Variants in SAXO2 observed in about 807,000 individuals in gnomAD.
The protein encoded by SAXO2 is family with sequence similarity 154, member B.
In SAXO2, 17 loss-of-function variants were observed where a neutral mutation model predicts 18.7. The ratio of observed to expected loss-of-function variants is 0.91; its 90% CI spans 0.62 to 1.36. The LOEUF (loss-of-function observed/expected upper bound fraction) is 1.36, where lower values mean the gene tolerates loss of function less well. Ranked by LOEUF, SAXO2 falls within the 40% of genes most tolerant of loss-of-function variation. SAXO2 has a pLI of 0.00. For synonymous variants in SAXO2, 163 were observed against 181.2 expected (o/e 0.90, Z 0.81); for missense variants, 486 against 562.6 (o/e 0.86, Z 1.38).
At chr15:82,263,441 A>AC in intron 1 of SAXO2, 1 of 703,506 alleles carries the variant, frequency 1.4e-6, no homozygotes, top group Non-Finnish European at 2.6e-6. Context: ...AAAAGTCAGT[A>AC]AGTAGTCCCT....
rs1225920160 is a variant in SAXO2 at position 82,282,144 on chromosome 15, TA to T, written c.463del (p.Ser155ValfsTer15). The T allele has an allele frequency of 6.2e-7, 1 of 1,612,424 alleles. No homozygotes were observed. The highest frequency in any genetic ancestry group is 1.7e-5 in the Admixed American group (1 of 59,666). ...KDDYRAWDLH[K>X]SELYKPEQTY... ...ACGATTATAGAGCTTGGGACCTTCA[TA>T]AAAGTGAACTTTATAAGCCAGAACA... On this transcript the variant is annotated frameshift_variant, in exon 4 of 4. Coordinates refer to ENST00000682753, the MANE Select transcript of SAXO2 (RefSeq NM_001348699.2). LOFTEE classifies it low-confidence loss of function (END_TRUNC).
intron 2 of SAXO2, among the ~76,000 whole-genome samples, chr15:82,266,991 C>A (rs1283147803): frequency 1.3e-5 from 2 of 152,160 alleles, no homozygotes; most frequent in Non-Finnish European, 2.9e-5. Flanking sequence ...TACATTTACT[C>A]ATTATTTTAT....
chr15:82,266,462 G>A (rs901570291), intron 2 of SAXO2, among the ~76,000 whole-genome samples: 1 of 152,148 alleles, frequency 6.6e-6, no homozygotes, highest in African/African-American at 2.4e-5. Context: ...CCAAAATCAT[G>A]TAGAGGCATG....
At chr15:82,277,266 C>G (rs1382532785) in intron 3 of SAXO2, among the ~76,000 whole-genome samples, 2 of 152,068 alleles carry the variant, frequency 1.3e-5, no homozygotes, top group Non-Finnish European at 2.9e-5. Flanking sequence ...ATACAATCAA[C>G]TTAAGCCCAG....
chr15:82,284,339 T>C lies in SAXO2; in HGVS notation c.*1277T>C, dbSNP rs1349359122. ...ACTTCATGAGCACCTGAGAAATTCT[T>C]AACAGAGAATGGAAAGCTTGGAATG... is the stretch of plus-strand genomic sequence containing the variant. On this transcript the variant is annotated 3_prime_UTR_variant, in exon 4 of 4. Transcript: ENST00000682753. The C allele has an allele frequency of 6.6e-6, 1 of 152,174 alleles. No individual in the cohort carries two copies. The highest frequency in any genetic ancestry group is 1.5e-5 in the Non-Finnish European group (1 of 68,040). 9.4% of individuals were successfully genotyped at this position (152,174 alleles called of 1,614,324 possible). A position where few individuals can be genotyped will look rare whatever the true frequency, so the allele number is the denominator to read the frequency against.
rs1302702394 is a variant in SAXO2, at chr15:82,271,615, T to C, written c.246T>C (p.Cys82=). The C allele has an allele frequency of 2.5e-6, 4 of 1,612,034 alleles. No individual in the cohort carries two copies. The Admixed American group carries it at 6.7e-5, about 27-fold the overall frequency. ...EGITTFKSDY[C]PYEIVKQPRH... is the part of the protein sequence containing the mutation. ...TTATATATTTCAGGTCGGATTATTG[T>C]CCTTATGAAATAGTTAAACAGCCTC... Residue 82 remains cysteine, a synonymous_variant, in exon 3 of 4, where the codon TGT becomes TGC. Coordinates refer to ENST00000682753, the MANE Select transcript of SAXO2 (RefSeq NM_001348699.2).
chr15:82,280,778 C>A (rs763337262), intron 3 of SAXO2, among the ~76,000 whole-genome samples: 1 of 152,182 alleles, frequency 6.6e-6, no homozygotes, highest in African/African-American at 2.4e-5. Flanking sequence ...TTTCAATTCT[C>A]CCATTTCTAT....
At chr15:82,280,084 T>C (rs2075350144) in intron 3 of SAXO2, among the ~76,000 whole-genome samples, 1 of 152,210 alleles carries the variant, frequency 6.6e-6, no homozygotes, top group African/African-American at 2.4e-5. Context: ...ATAATGATTA[T>C]GATGTTTTAA....
rs1333042836 is a variant in SAXO2 at position 82,282,511 on chromosome 15, A to G, written c.826A>G (p.Thr276Ala). The G allele has an allele frequency of 1.9e-6, 3 of 1,614,046 alleles. No homozygotes were observed. The African/African-American group carries it at 4.0e-5, about 22-fold the overall frequency. Residue 276 changes from threonine to alanine, a missense_variant, in exon 4 of 4, where the codon ACT becomes GCT. Thr to Ala is a moderately conservative substitution (Grantham distance 58, BLOSUM62 0). Coordinates refer to ENST00000682753, the MANE Select transcript of SAXO2 (RefSeq NM_001348699.2). ...CCAGAATGCTCTGTTTGAAGGAAGC[A>G]CTGAATTCCGTGAAAGTTTTCAACC... ...VTQNALFEGS[T>A]EFRESFQPWE...
At chr15:82,269,287 C>G (rs1468475926) in intron 2 of SAXO2, among the ~76,000 whole-genome samples, 2 of 152,088 alleles carry the variant, frequency 1.3e-5, no homozygotes, top group African/African-American at 4.8e-5. Flanking sequence ...AAGAGTTTGA[C>G]TTTATCAGGG....
chr15:82,271,828 G>A, intron 3 of SAXO2, 26 bp downstream of exon 3: 2 of 1,585,130 alleles, frequency 1.3e-6, no homozygotes, highest in Non-Finnish European at 1.7e-6. Context: ...ATACATGAAG[G>A]AGCCAAAAAA....
intron 2 of SAXO2, among the ~76,000 whole-genome samples, chr15:82,271,360 T>C (rs947976928): frequency 3.9e-5 from 6 of 152,242 alleles, no homozygotes; most frequent in African/African-American, 1.4e-4. Flanking sequence ...TCTATTGTAA[T>C]GATGTTTTAA....
intron 3 of SAXO2, among the ~76,000 whole-genome samples, chr15:82,275,988 A>G (rs2075311710): frequency 6.6e-6 from 1 of 152,218 alleles, no homozygotes; most frequent in Non-Finnish European, 1.5e-5. Flanking sequence ...TGTAATTTAT[A>G]CATGGGAAAC....
chr15:82,268,663 A>G (rs1479639054), intron 2 of SAXO2, among the ~76,000 whole-genome samples: 4 of 152,326 alleles, frequency 2.6e-5, no homozygotes, highest in Non-Finnish European at 1.5e-5. Context: ...TGACTGTGTA[A>G]AGAGGTGTCT....
At position 82,284,715 on chromosome 15, in the gene SAXO2, G is replaced by A. The variant is rs1455170180; in HGVS notation, c.*1653G>A. 6.6e-6 allele frequency: 1 copy of A among 152,114 alleles called. No individual in the cohort carries two copies. Among genetic ancestry groups the A allele is most frequent in the African/African-American group, 2.4e-5 (1 of 41,398 alleles). The allele number at this position is 152,114 out of a possible 1,614,324, so 9.4% of individuals were successfully genotyped here. A position where few individuals can be genotyped will look rare whatever the true frequency, so the allele number is the denominator to read the frequency against. On this transcript the variant is annotated 3_prime_UTR_variant, in exon 4 of 4. Coordinates refer to ENST00000682753, the MANE Select transcript of SAXO2 (RefSeq NM_001348699.2). ...TAAAAAAATTAAATAATTGCATTAT[G>A]GGAGAATATGATTTATTTTAGCATA... is the stretch of plus-strand genomic sequence containing the variant.
rs1423952146 is a variant in SAXO2 at position 82,267,312 on chromosome 15, A to G, written c.233+1564A>G. 1.2e-4 allele frequency among the ~76,000 whole-genome samples: 19 copies of G among 152,336 alleles called. No homozygotes were observed. In the East Asian group the frequency reaches 3.7e-3, roughly 29 times the overall value. On this transcript the variant is annotated intron_variant, in intron 2 of 3. Coordinates refer to ENST00000682753, the MANE Select transcript of SAXO2 (RefSeq NM_001348699.2). ...GAAGCAGGGAGGGAGCTTGCAGGTC[A>G]TATGTAGATAAGAGACAAATAGTTG...
chr15:82,272,338 G>C (rs956500758), intron 3 of SAXO2, among the ~76,000 whole-genome samples: 3 of 152,170 alleles, frequency 2.0e-5, no homozygotes, highest in African/African-American at 7.2e-5. Flanking sequence ...GACGCTTCCT[G>C]ATACTGAACC....
chr15:82,267,188 G>A (rs1041309442), intron 2 of SAXO2, among the ~76,000 whole-genome samples: 2 of 152,176 alleles, frequency 1.3e-5, no homozygotes, highest in Non-Finnish European at 2.9e-5. Context: ...GCCCAAGGTG[G>A]TCAGAGCACA....
rs2075152739 is a variant in SAXO2 at position 82,263,069 on chromosome 15, C to T, written c.53+137C>T. ...AGGGACGAGGGCGCAGCGACATCCC[C>T]ACTTATCCCGCTCCGCGAATACTCG... On this transcript the variant is annotated intron_variant, in intron 1 of 3. Transcript: ENST00000682753. 5 of 1,513,156 alleles carry T rather than the reference C, an allele frequency of 3.3e-6. 1 individual carries two copies. Among genetic ancestry groups the T allele is most frequent in the Middle Eastern group, 4.6e-4 (2 of 4,320 alleles). 93.7% of individuals were successfully genotyped at this position (1,513,156 alleles called of 1,614,324 possible).
Sources: gnomAD v4.1 joint callset for allele counts (sites outside exome capture counted in the v4.1 genomes callset) on GRCh38, gnomAD v4.1.1 for gene constraint, MANE v1.5 for transcripts, NCBI Gene and HGNC (gene_info 2026-07-23, HGNC 2026-07-21) for gene names.